Variants in RBM19 observed in about 807,000 individuals in gnomAD.
The protein encoded by RBM19 is RNA binding motif protein 19.
Under a neutral mutation model 116.8 loss-of-function variants are expected in RBM19, and 94 were observed. The observed-to-expected ratio is 0.80, with a 90% CI of 0.68 to 0.95. The LOEUF (loss-of-function observed/expected upper bound fraction) is 0.95. Among genes scored for constraint, RBM19 ranks in the 40% least tolerant of loss-of-function variants. The pLI, the probability that RBM19 is intolerant of heterozygous loss-of-function variation, is 0.00. For synonymous variants in RBM19, 475 were observed against 494.1 expected, an observed-to-expected ratio of 0.96 and a Z score of 0.51; for missense variants, 1,161 against 1,220.7, an observed-to-expected ratio of 0.95 and a Z score of 0.73.
intron 16 of RBM19, among the ~76,000 whole-genome samples, chr12:113,930,858 C>T (rs922201824): frequency 1.3e-5 from 2 of 152,270 alleles, no homozygotes; most frequent in Admixed American, 6.5e-5. Flanking sequence ...CTGGAAAAGA[C>T]GAGGAGGGCA....
intron 7 of RBM19, 56 bp from the exon 8 acceptor site, chr12:113,952,646 C>T (rs557184620): frequency 1.3e-5 from 19 of 1,419,520 alleles, no homozygotes; most frequent in South Asian, 5.8e-5. Context: ...TACAACCCAA[C>T]GAAAAGACAT....
intron 22 of RBM19, among the ~76,000 whole-genome samples, chr12:113,848,686 C>T (rs976014451): frequency 6.6e-6 from 1 of 152,100 alleles, no homozygotes; most frequent in Non-Finnish European, 1.5e-5. Flanking sequence ...ACTAGCAGCT[C>T]CCTCCCTGGT....
intron 8 of RBM19, among the ~76,000 whole-genome samples, chr12:113,951,168 A>G (rs1176385228): frequency 1.3e-5 from 2 of 152,118 alleles, no homozygotes; most frequent in Non-Finnish European, 2.9e-5. Flanking sequence ...AGTAGCTGAG[A>G]CACACAATCT....
At chr12:113,910,804 GA>G (rs1227904414) in intron 21 of RBM19, among the ~76,000 whole-genome samples, 1 of 150,168 alleles carries the variant, frequency 6.7e-6, no homozygotes, top group East Asian at 2.4e-4. Flanking sequence ...TCCAGCTTTT[GA>G]AATGGGGGTG....
rs143302018 is a variant in RBM19 at position 113,962,239 on chromosome 12, C to T, written c.212G>A (p.Arg71Gln). The T allele has an allele frequency of 3.0e-4, 487 of 1,614,192 alleles. 2 individuals are homozygous for T. The African/African-American group carries it at 5.4e-3, about 18-fold the overall frequency. ...AGACTCCTGCCCACTCACTGTGATC[C>T]GGGATGTGTCGATGAAGCTCTTGTT... ...HFNKSFIDTSRITVEFCKSFG... is the reference protein window; with the variant it reads ...HFNKSFIDTSQITVEFCKSFG... Residue 71 changes from arginine to glutamine, a missense_variant, in exon 2 of 24, where the codon CGG becomes CAG. Transcript: ENST00000261741.
intron 23 of RBM19, among the ~76,000 whole-genome samples, chr12:113,833,336 G>A (rs190627368): frequency 4.6e-5 from 7 of 151,548 alleles, no homozygotes; most frequent in African/African-American, 1.7e-4. Flanking sequence ...TCTGCTCCAT[G>A]GCCCTTATTG....
intron 22 of RBM19, among the ~76,000 whole-genome samples, chr12:113,853,626 G>A (rs1255515423): frequency 1.3e-5 from 2 of 152,192 alleles, no homozygotes; most frequent in Non-Finnish European, 1.5e-5. Context: ...GAGAGAGGAG[G>A]TGGCAGCTTC....
intron 1 of RBM19, among the ~76,000 whole-genome samples, chr12:113,964,684 A>T (rs1425251000): frequency 1.3e-5 from 2 of 152,288 alleles, no homozygotes. Flanking sequence ...GATGATCTAA[A>T]TTCCTTATTT....
In RBM19 at chr12:113,955,176, G is replaced by A; in HGVS notation, c.876C>T (p.Thr292=). Residue 292 remains threonine (T), a synonymous_variant, in exon 7 of 24, where the codon ACC becomes ACT. Transcript: ENST00000261741. Reference sequence around the variant, plus strand: ...CTCCCCGCAGCTTCACGGTGTGGCAGGTGGTGGGTTCCTTCTGGTTTGCTG... The same window carrying A: ...CTCCCCGCAGCTTCACGGTGTGGCAAGTGGTGGGTTCCTTCTGGTTTGCTG... ...EKPANQKEPT[T]CHTVKLRGAP... 6.8e-6 allele frequency: 11 copies of A among 1,614,226 alleles called. No homozygotes were observed. Among genetic ancestry groups the A allele is most frequent in the Non-Finnish European group, 8.5e-6 (10 of 1,180,042 alleles).
Position 113,957,903 on chromosome 12 carries a change from C to T in RBM19, c.719G>A (p.Ser240Asn). 1.2e-6 allele frequency: 2 copies of T among 1,614,182 alleles called. No homozygotes were observed. The highest frequency in any genetic ancestry group is 1.7e-6 in the Non-Finnish European group (2 of 1,180,020). ...GGAGGAATCCTCTTCCTCGGCCTCA[C>T]TCCCTTCATCACAGTGCACGGCTTC... is the stretch of plus-strand genomic sequence containing the variant. Reference protein sequence around the residue: ...EDEAVHCDEGSEAEEEDSSAT... With the variant: ...EDEAVHCDEGNEAEEEDSSAT... The change falls in exon 6 of 24, where the codon AGT (serine) becomes AAT (asparagine). Residue 240 changes from serine to asparagine, a missense_variant. Ser to Asn is a conservative substitution (Grantham distance 46, BLOSUM62 1). Coordinates refer to ENST00000261741, the MANE Select transcript of RBM19 (RefSeq NM_016196.4).
intron 23 of RBM19, among the ~76,000 whole-genome samples, chr12:113,824,502 C>G (rs1874690825): frequency 6.6e-6 from 1 of 152,100 alleles, no homozygotes; most frequent in South Asian, 2.1e-4. Flanking sequence ...TTGATTTGTA[C>G]AGAGGCAGTG....
chr12:113,820,943 G>A (rs758279415), downstream of RBM19, among the ~76,000 whole-genome samples: 12 of 152,214 alleles, frequency 7.9e-5, no homozygotes, highest in Non-Finnish European at 1.8e-4. Flanking sequence ...AGGCAGTGAC[G>A]CAGGAAGGGT....
At chr12:113,823,855 T>C (rs1874631597) in intron 23 of RBM19, among the ~76,000 whole-genome samples, 1 of 152,168 alleles carries the variant, frequency 6.6e-6, no homozygotes, top group Admixed American at 6.5e-5. Flanking sequence ...GTTTCTGTTT[T>C]CTTGGAGGCC....
intron 11 of RBM19, among the ~76,000 whole-genome samples, chr12:113,946,810 A>G (rs1403374706): frequency 6.6e-6 from 1 of 152,236 alleles, no homozygotes; most frequent in Non-Finnish European, 1.5e-5. Context: ...CGGTGGGGCC[A>G]GGTCTGGCCT....
chr12:113,886,606 A>C (rs1880533526), intron 21 of RBM19, among the ~76,000 whole-genome samples: 1 of 152,370 alleles, frequency 6.6e-6, no homozygotes, highest in African/African-American at 2.4e-5. Flanking sequence ...GGACCTTGCA[A>C]CTGTGGTGTG....
chr12:113,877,619 A>C (rs941590786), intron 21 of RBM19, among the ~76,000 whole-genome samples: 11 of 152,250 alleles, frequency 7.2e-5, no homozygotes, highest in African/African-American at 2.4e-4. Context: ...AACAGGCCTC[A>C]AAAAGGAAGT....
chr12:113,820,754 T>C (rs983177218), downstream of RBM19, among the ~76,000 whole-genome samples: 1 of 152,078 alleles, frequency 6.6e-6, no homozygotes, highest in Non-Finnish European at 1.5e-5. Context: ...AGTGCGTGCC[T>C]GGGGCAGGGG....
Position 113,846,901 on chromosome 12 carries a change from C to T in RBM19, c.2665-2113G>A, listed in dbSNP as rs113856743. Reference sequence around the variant, plus strand: ...CTAAGTTTTTAATTTTTTGTAGAGACGGGGTCTCCCTACATTGCCCAGGCT... The same window carrying T: ...CTAAGTTTTTAATTTTTTGTAGAGATGGGGTCTCCCTACATTGCCCAGGCT... On this transcript the variant is annotated intron_variant, in intron 22 of 23. Transcript: ENST00000261741. 8.5e-5 allele frequency among the ~76,000 whole-genome samples: 13 copies of T among 152,180 alleles called. 1 individual carries two copies. Among genetic ancestry groups the T allele is most frequent in the African/African-American group, 1.7e-4 (7 of 41,536 alleles).
At chr12:113,922,716 C>T (rs963848613) in intron 18 of RBM19, among the ~76,000 whole-genome samples, 23 of 152,104 alleles carry the variant, frequency 1.5e-4, no homozygotes, top group Non-Finnish European at 5.9e-5. Flanking sequence ...TCTGAAGACC[C>T]TGGAGAACAG....
Sources: allele counts gnomAD v4.1 joint callset (sites outside exome capture counted in the v4.1 genomes callset), GRCh38; gene constraint gnomAD v4.1.1; transcripts MANE v1.5; gene names NCBI Gene and HGNC (gene_info 2026-07-23, HGNC 2026-07-21).